The following MARCHF1 variants were observed in gnomAD, a reference collection of about 807,000 sequenced individuals.
The protein encoded by MARCHF1 is membrane associated ring-CH-type finger 1, also known as E3 ubiquitin-protein ligase MARCHF1.
In MARCHF1, 40 loss-of-function variants were observed where a neutral mutation model predicts 54.2. That is an observed-to-expected ratio of 0.74 (90% CI 0.57 to 0.96). The LOEUF is 0.96. Ranked by LOEUF, MARCHF1 falls within the 40% of genes least tolerant of loss-of-function variation. MARCHF1 has a pLI of 0.00. For synonymous variants in MARCHF1, 236 were observed against 236.3 expected, an observed-to-expected ratio of 1.00 and a Z score of 0.01; for missense variants, 586 against 656.5, an observed-to-expected ratio of 0.89 and a Z score of 1.17.
At chr4:164,124,842 T>C (rs1195719420) in intron 1 of MARCHF1, among the ~76,000 whole-genome samples, 1 of 151,954 alleles carries the variant, frequency 6.6e-6, no homozygotes, top group African/African-American at 2.4e-5. Flanking sequence ...AAAGAATATA[T>C]ACAAAGAATG....
chr4:164,312,541 C>T (rs1224340026), intron 1 of MARCHF1, among the ~76,000 whole-genome samples: 2 of 151,850 alleles, frequency 1.3e-5, no homozygotes, highest in Non-Finnish European at 2.9e-5. Context: ...CCAGGATGGT[C>T]TCGATCTCCT....
chr4:163,683,048 TTGAG>T (rs1744156804), intron 5 of MARCHF1, among the ~76,000 whole-genome samples: 1 of 152,200 alleles, frequency 6.6e-6, no homozygotes, highest in African/African-American at 2.4e-5. Context: ...GTATAATATC[TTGAG>T]TAAGTGGTGC....
At chr4:163,790,986 GAA>G (rs888737082) in intron 4 of MARCHF1, among the ~76,000 whole-genome samples, 1 of 151,800 alleles carries the variant, frequency 6.6e-6, no homozygotes, top group African/African-American at 2.4e-5. Context: ...ACATGTTTTT[GAA>G]AAAAGAGTAA....
At chr4:163,535,756 T>C (rs907887084) in intron 9 of MARCHF1, among the ~76,000 whole-genome samples, 1 of 150,716 alleles carries the variant, frequency 6.6e-6, no homozygotes, top group Admixed American at 6.6e-5. Flanking sequence ...AGAAGGGCTT[T>C]TTTTTTTTTT....
intron 4 of MARCHF1, among the ~76,000 whole-genome samples, chr4:163,796,016 C>T (rs1034498025): frequency 1.3e-5 from 2 of 151,982 alleles, no homozygotes; most frequent in East Asian, 1.9e-4. Context: ...TCATCATAAA[C>T]GTCTTTATCC....
chr4:164,324,100 T>A (rs767472427), intron 1 of MARCHF1, among the ~76,000 whole-genome samples: 5 of 151,864 alleles, frequency 3.3e-5, no homozygotes, highest in Non-Finnish European at 7.4e-5. Context: ...CCTAGTTCTG[T>A]GTAATAAGAT....
At chr4:164,350,770 CG>C (rs1730281821) in intron 1 of MARCHF1, among the ~76,000 whole-genome samples, 1 of 152,064 alleles carries the variant, frequency 6.6e-6, no homozygotes, top group East Asian at 1.9e-4. Flanking sequence ...CCAAGATGGC[CG>C]AATAGGAACA....
chr4:163,794,522 C>T (rs1355409733), intron 4 of MARCHF1, among the ~76,000 whole-genome samples: 3 of 152,156 alleles, frequency 2.0e-5, no homozygotes, highest in African/African-American at 7.2e-5. Flanking sequence ...CAGAAGCACA[C>T]ATACATGAGC....
rs112922781 is a variant in MARCHF1 at position 163,891,975 on chromosome 4, G to A, written c.-38-37806C>T. On this transcript the variant is annotated intron_variant, in intron 3 of 9. Transcript: ENST00000514618. ...CATTAACTTGTTCCTTTTTAATGAG[G>A]CACTAAAAAGTCTCAATAGATTCAA... Among the ~76,000 whole-genome samples the A allele has an allele frequency of 7.1e-3, 1,076 of 151,708 alleles. 14 individuals carry two copies. Among genetic ancestry groups the A allele is most frequent in the African/African-American group, 0.025 (1,013 of 41,340 alleles).
At chr4:163,861,898 G>T (rs1332717311) in intron 3 of MARCHF1, among the ~76,000 whole-genome samples, 1 of 151,960 alleles carries the variant, frequency 6.6e-6, no homozygotes, top group Non-Finnish European at 1.5e-5. Flanking sequence ...ATAAAACAGA[G>T]ATTTTAGAAA....
At chr4:163,811,680 G>GA (rs1287776276) in intron 4 of MARCHF1, among the ~76,000 whole-genome samples, 1 of 152,092 alleles carries the variant, frequency 6.6e-6, no homozygotes, top group East Asian at 1.9e-4. Flanking sequence ...AATTTTATTA[G>GA]AAAAAAGTAG....
chr4:163,971,022 C>T (rs548012112), intron 3 of MARCHF1, among the ~76,000 whole-genome samples: 4 of 152,224 alleles, frequency 2.6e-5, no homozygotes, highest in Middle Eastern at 6.8e-3. Context: ...TTCACTAGTT[C>T]GAAATAAGAT....
intron 1 of MARCHF1, among the ~76,000 whole-genome samples, chr4:164,335,357 C>A (rs996578599): frequency 6.6e-6 from 1 of 152,034 alleles, no homozygotes; most frequent in Non-Finnish European, 1.5e-5. Flanking sequence ...CTGAGGTGGG[C>A]GGATCATGAG....
At chr4:164,341,222 C>A (rs944928047) in intron 1 of MARCHF1, among the ~76,000 whole-genome samples, 2 of 151,816 alleles carry the variant, frequency 1.3e-5, no homozygotes, top group African/African-American at 2.4e-5. Flanking sequence ...AAGTAACATA[C>A]CTCAGCACAA....
At chr4:163,977,751 T>C (rs1752677775) in intron 3 of MARCHF1, among the ~76,000 whole-genome samples, 1 of 152,238 alleles carries the variant, frequency 6.6e-6, no homozygotes, top group African/African-American at 2.4e-5. Context: ...GAAGTTTTGA[T>C]GTGATTTAGA....
chr4:163,811,808 C>T (rs763349599), intron 4 of MARCHF1, among the ~76,000 whole-genome samples: 12 of 152,150 alleles, frequency 7.9e-5, no homozygotes, highest in Non-Finnish European at 1.5e-4. Flanking sequence ...TTCACAACAA[C>T]TTAATAGAGC....
At chr4:163,904,384 G>T (rs139140948) in intron 3 of MARCHF1, among the ~76,000 whole-genome samples, 96 of 152,258 alleles carry the variant, frequency 6.3e-4, no homozygotes, top group African/African-American at 2.1e-3. Flanking sequence ...ATTAGGGCAG[G>T]GTTAGTTTTT....
At chr4:163,853,873 C>A in intron 4 of MARCHF1, 148 bp downstream of exon 4, 1 of 550,120 alleles carries the variant, frequency 1.8e-6, no homozygotes, top group Non-Finnish European at 2.9e-6. Context: ...TACTAACTAA[C>A]CAAATCTATA....
intron 4 of MARCHF1, among the ~76,000 whole-genome samples, chr4:163,795,430 A>T (rs1208400216): frequency 6.6e-6 from 1 of 152,026 alleles, no homozygotes; most frequent in Non-Finnish European, 1.5e-5. Context: ...GGGTTTCACT[A>T]TGTTGGCCAG....
Sources: allele counts gnomAD v4.1 joint callset (sites outside exome capture counted in the v4.1 genomes callset), GRCh38; gene constraint gnomAD v4.1.1; transcripts MANE v1.5; gene names NCBI Gene and HGNC (gene_info 2026-07-23, HGNC 2026-07-21).